Variants in ACE observed in about 807,000 individuals in gnomAD.
ACE encodes angiotensin I converting enzyme, also known as angiotensin-converting enzyme.
ACE carries 122 observed loss-of-function variants against 162.3 expected under a neutral mutation model. The observed-to-expected ratio is 0.75, with a 90% confidence interval of 0.65 to 0.87. The LOEUF (loss-of-function observed/expected upper bound fraction) is 0.87. Ranked by LOEUF, ACE falls within the 40% of genes least tolerant of loss-of-function variation. The pLI is 0.00. For missense variants in ACE, 1,799 were observed against 1,735.1 expected, an observed-to-expected ratio of 1.04 and a Z score of -0.65; for synonymous variants, 796 against 720.6, an observed-to-expected ratio of 1.10 and a Z score of -1.68.
At chr17:63,480,257 G>A (rs1599139088) in intron 4 of ACE, 80 bp from the exon 5 acceptor site, 1 of 1,509,322 alleles carries the variant, frequency 6.6e-7, no homozygotes, top group East Asian at 2.3e-5. Flanking sequence ...CCTCGAGCCA[G>A]TGGAAGAGCC....
At chr17:63,493,870 G>A in intron 20 of ACE, 52 bp from the exon 21 acceptor site, 1 of 1,613,818 alleles carries the variant, frequency 6.2e-7, no homozygotes, top group Admixed American at 1.7e-5. Context: ...GGCACACCAG[G>A]GCCAAGCCGC....
At chr17:63,482,795 C>T (rs1012752727) in intron 8 of ACE, 106 bp downstream of exon 8, 10 of 1,295,526 alleles carry the variant, frequency 7.7e-6, no homozygotes, top group East Asian at 4.8e-5. Context: ...TTCTGCCTCC[C>T]GGCCCCAGGT....
intron 13 of ACE, 95 bp downstream of exon 13, chr17:63,485,467 A>C: frequency 1.3e-6 from 2 of 1,543,364 alleles, no homozygotes; most frequent in Non-Finnish European, 1.8e-6. Flanking sequence ...ACCACATTTT[A>C]AATTGAATAT....
chr17:63,477,501 G>A (rs1266368426), intron 1 of ACE, 158 bp downstream of exon 1: 1 of 460,352 alleles, frequency 2.2e-6, no homozygotes, highest in Admixed American at 5.9e-5. Flanking sequence ...CCGAGCGCCG[G>A]GCTGCGCGCA....
chr17:63,486,423 T>C lies in ACE; in HGVS notation c.2059-134T>C, dbSNP rs554243016. 6.4e-5 allele frequency: 61 copies of C among 946,034 alleles called. 1 individual carries two copies. In the Middle Eastern group the frequency reaches 1.6e-3, roughly 25 times the overall value. The allele number at this position is 946,034 out of a possible 1,614,324, so 58.6% of individuals were successfully genotyped here. A position where few individuals can be genotyped will look rare whatever the true frequency, so the allele number is the denominator to read the frequency against. On this transcript the variant is annotated intron_variant, in intron 13 of 24. Transcript: ENST00000290866. ...AGCGTCCAGCTTGCAGAGAGTCTTA[T>C]AGGCAAAGGTTGCAACTTAATTCCA...
chr17:63,485,254 C>T lies in ACE; in HGVS notation c.1940C>T (p.Ala647Val). ...CCCACAGACCTGGTGACTGATGAGG[C>T]TGAGGCCAGCAAGTTTGTGGAGGAA... ...PEGIDLVTDE[A>V]EASKFVEEYD... Residue 647 changes from alanine (A) to valine (V), a missense_variant, in exon 13 of 25, where the codon GCT (alanine) becomes GTT (valine). By Grantham distance (64) the Ala-to-Val change is moderately conservative (BLOSUM62 0). Transcript: ENST00000290866. 2 of 1,614,134 alleles carry T rather than the reference C, an allele frequency of 1.2e-6. No homozygotes were observed. Among genetic ancestry groups the T allele is most frequent in the East Asian group, 2.2e-5 (1 of 44,876 alleles).
chr17:63,485,051 T>G (rs2029867706), intron 12 of ACE, 185 bp from the exon 13 acceptor site: 9 of 1,571,950 alleles, frequency 5.7e-6, no homozygotes, highest in Non-Finnish European at 7.8e-6. Context: ...CCACCAGACA[T>G]CAGCCCAGAG....
intron 10 of ACE, 128 bp downstream of exon 10, chr17:63,483,686 G>A: frequency 7.1e-7 from 1 of 1,417,214 alleles, no homozygotes; most frequent in Non-Finnish European, 9.9e-7. Context: ...AAGGCCTGGA[G>A]TTAGAGTGGC....
Position 63,483,604 on chromosome 17 carries a change from C to CA in ACE, c.1586+48dup, listed in dbSNP as rs1568038955. On this transcript the variant is annotated intron_variant, in intron 10 of 24. Coordinates refer to ENST00000290866, the MANE Select transcript of ACE (RefSeq NM_000789.4). ...CCCACCCCCAGTACTGTCACACCCT[C>CA]AATCCACTTCTCCTCCTGTGATCCT... The CA allele has an allele frequency of 2.1e-6, 3 of 1,448,806 alleles. No individual in the cohort carries two copies. In the Admixed American group the frequency reaches 5.3e-5, roughly 25 times the overall value. 89.7% of individuals were successfully genotyped at this position (1,448,806 alleles called of 1,614,324 possible).
chr17:63,492,222 C>G (rs2030431101), intron 19 of ACE, among the ~76,000 whole-genome samples: 1 of 152,212 alleles, frequency 6.6e-6, no homozygotes, highest in Non-Finnish European at 1.5e-5. Flanking sequence ...CCAGCATCCC[C>G]CACAGCAACT....
chr17:63,489,952 G>C (rs1293585520), intron 17 of ACE: 2 of 152,420 alleles, frequency 1.3e-5, no homozygotes, highest in Non-Finnish European at 2.9e-5. Context: ...CACAGGCCCC[G>C]GGAAGAAAAG....
In ACE at chr17:63,496,463, C is replaced by A. The variant is rs766211295; in HGVS notation, c.3450C>A (p.Gly1150=). 4.3e-6 allele frequency: 7 copies of A among 1,614,086 alleles called. No individual in the cohort carries two copies. Among genetic ancestry groups the A allele is most frequent in the Non-Finnish European group, 5.9e-6 (7 of 1,180,044 alleles). The change falls in exon 23 of 25, where the codon GGC becomes GGA. Residue 1150 remains glycine (G), a synonymous_variant. Coordinates refer to ENST00000290866, the MANE Select transcript of ACE (RefSeq NM_000789.4). ...TGTGCCAGGCAGCTGGCCACACGGG[C>A]CCCCTGCACAAGTGTGACATCTACC... ...EALCQAAGHT[G]PLHKCDIYQS...
chr17:63,480,056 C>T (rs2049681205), intron 4 of ACE, 144 bp downstream of exon 4: 17 of 1,321,914 alleles, frequency 1.3e-5, no homozygotes, highest in East Asian at 7.5e-5. Flanking sequence ...GAGGTGGGAC[C>T]GGCCTGCACC....
chr17:63,482,538 C>T lies in ACE; in HGVS notation c.1191C>T (p.Tyr397=). ...ACCATGAGATGGGCCATATACAGTA[C>T]TACCTGCAGTACAAGGATCTGCCCG... is the stretch of plus-strand genomic sequence containing the variant. ...TVHHEMGHIQ[Y]YLQYKDLPVS... is the part of the protein sequence containing the mutation. Residue 397 remains tyrosine (Y), a synonymous_variant, in exon 8 of 25, where the codon TAC becomes TAT. Coordinates refer to ENST00000290866, the MANE Select transcript of ACE (RefSeq NM_000789.4). 2 of 1,614,128 alleles carry T rather than the reference C, an allele frequency of 1.2e-6. No homozygotes were observed. Among genetic ancestry groups the T allele is most frequent in the South Asian group, 1.1e-5 (1 of 91,078 alleles).
rs2030722053 is a variant in ACE at position 63,496,279 on chromosome 17, G to A, written c.3381-115G>A. ...GGCAGAGTTGGGGGGCCTTGGCTCTGCTGTGCGCATGTGACTTAGCACACA... is the reference window on the plus strand; with the variant it reads ...GGCAGAGTTGGGGGGCCTTGGCTCTACTGTGCGCATGTGACTTAGCACACA... On this transcript the variant is annotated intron_variant, in intron 22 of 24. Transcript: ENST00000290866. 23 of 1,522,266 alleles carry A rather than the reference G, an allele frequency of 1.5e-5. 1 individual carries two copies. The South Asian group carries it at 2.6e-4, about 17-fold the overall frequency. The allele number at this position is 1,522,266 out of a possible 1,614,324, so 94.3% of individuals were successfully genotyped here.
chr17:63,488,547 T>TTTTTTTTTA, intron 15 of ACE, 101 bp from the exon 16 acceptor site: 1 of 1,300,786 alleles, frequency 7.7e-7, no homozygotes, highest in Non-Finnish European at 1.1e-6. Flanking sequence ...CACTTTTATG[T>TTTTTTTTTA]GGTTTCGCCA....
Position 63,478,065 on chromosome 17 carries a change from C to A in ACE, c.384C>A (p.Gly128=). The change falls in exon 2 of 25, where the codon GGC becomes GGA. Residue 128 remains glycine, a synonymous_variant. Transcript: ENST00000290866. ...TCATCGGAGCTGTGCGCACCCTGGG[C>A]TCTGCCAACCTGCCCCTGGCTAAGC... ...RRIIGAVRTL[G]SANLPLAKRQ... is the part of the protein sequence containing the mutation. 1 of 1,596,146 alleles carries A rather than the reference C, an allele frequency of 6.3e-7. No individual in the cohort carries two copies. The highest frequency in any genetic ancestry group is 2.3e-5 in the East Asian group (1 of 44,040).
intron 23 of ACE, 41 bp from the exon 24 acceptor site, chr17:63,496,757 A>G: frequency 3.1e-6 from 5 of 1,607,702 alleles, no homozygotes; most frequent in Non-Finnish European, 4.2e-6. Context: ...AAGAGGGGCC[A>G]TGTCCTTCTG....
chr17:63,496,062 C>G, intron 22 of ACE: 1 of 400,348 alleles, frequency 2.5e-6, no homozygotes, highest in East Asian at 5.8e-5. Context: ...GCATATACCC[C>G]AGGGATGGAG....
Sources: gnomAD v4.1 joint callset for allele counts (sites outside exome capture counted in the v4.1 genomes callset) on GRCh38, gnomAD v4.1.1 for gene constraint, MANE v1.5 for transcripts, NCBI Gene and HGNC (gene_info 2026-07-23, HGNC 2026-07-21) for gene names.